NUP62CL: variants seen among roughly 807,000 people sequenced by gnomAD.
The protein encoded by NUP62CL is nucleoporin-62 C-terminal-like protein.
NUP62CL carries 13 observed loss-of-function variants against 15.3 expected under a neutral mutation model. That is an observed-to-expected ratio of 0.85 (90% CI 0.55 to 1.35). NUP62CL has a LOEUF of 1.35. NUP62CL is among the 40% of genes most tolerant of loss of function. The pLI is 0.00. For missense variants in NUP62CL, 123 were observed against 130.6 expected (o/e 0.94, Z 0.28); for synonymous variants, 54 against 49.2 (o/e 1.10, Z -0.41).
chrX:107,132,436 T>C (rs1925539953), intron 8 of NUP62CL, among the ~76,000 whole-genome samples: 1 of 112,171 alleles, frequency 8.9e-6, no homozygotes, highest in South Asian at 3.7e-4. Flanking sequence ...ACCAGAATCA[T>C]TTGGGACCAG....
At chrX:107,187,390 CTTTT>C (rs1291781352) in intron 2 of NUP62CL, among the ~76,000 whole-genome samples, 1 of 111,729 alleles carries the variant, frequency 9.0e-6, no homozygotes, top group Non-Finnish European at 1.9e-5. Context: ...ACAGCTAATT[CTTTT>C]ATTTATTTAT....
chrX:107,166,138 A>G (rs934108381), intron 4 of NUP62CL, among the ~76,000 whole-genome samples: 7 of 111,968 alleles, frequency 6.3e-5, no homozygotes, highest in Non-Finnish European at 1.3e-4. Context: ...ACAGTTAAAG[A>G]ATATACTTAT....
intron 8 of NUP62CL, among the ~76,000 whole-genome samples, chrX:107,129,853 T>A (rs1422557776): frequency 1.8e-5 from 2 of 112,024 alleles, no homozygotes; most frequent in Non-Finnish European, 3.8e-5. Flanking sequence ...TAAAAAATCA[T>A]TAATATCCTC....
chrX:107,187,116 T>C (rs1433038760), intron 2 of NUP62CL, among the ~76,000 whole-genome samples: 2 of 111,053 alleles, frequency 1.8e-5, no homozygotes, highest in African/African-American at 6.6e-5. Context: ...AGAGAGGAAG[T>C]CTCAAGAGAA....
intron 2 of NUP62CL, among the ~76,000 whole-genome samples, chrX:107,191,178 T>C (rs982869592): frequency 2.0e-5 from 2 of 99,401 alleles, no homozygotes; most frequent in Non-Finnish European, 4.0e-5. Context: ...AAAAGGCAAC[T>C]AGATAACATG....
At chrX:107,181,173 C>T (rs187149713) in intron 2 of NUP62CL, among the ~76,000 whole-genome samples, 1 of 109,975 alleles carries the variant, frequency 9.1e-6, no homozygotes, top group African/African-American at 3.3e-5. Flanking sequence ...ACCTCGCCCT[C>T]CCAAAGTGCT....
At chrX:107,141,686 T>C (rs1414113788) in intron 8 of NUP62CL, among the ~76,000 whole-genome samples, 3 of 111,979 alleles carry the variant, frequency 2.7e-5, no homozygotes, top group Non-Finnish European at 3.8e-5. Flanking sequence ...GGCACCTTAA[T>C]TGGAATTCAA....
At chrX:107,147,657 A>C (rs1925910633) in intron 8 of NUP62CL, 86 bp downstream of exon 8, 1 of 571,305 alleles carries the variant, frequency 1.8e-6, no homozygotes, top group African/African-American at 2.2e-5. Context: ...CTTTTATATG[A>C]GTTTGGTCAT....
At chrX:107,132,110 C>T in intron 8 of NUP62CL, 13 of 1,177,803 alleles carry the variant, frequency 1.1e-5, no homozygotes, top group Non-Finnish European at 1.5e-5. Flanking sequence ...CCAGATAAAT[C>T]TTTGGAATTG....
intron 2 of NUP62CL, 126 bp from the exon 3 acceptor site, chrX:107,175,319 G>A (rs1338057425): frequency 4.7e-6 from 2 of 426,170 alleles, no homozygotes; most frequent in Non-Finnish European, 8.2e-6. Flanking sequence ...CAGGTATCCT[G>A]AAACCTAATC....
chrX:107,169,547 G>T (rs1326553549), intron 3 of NUP62CL, among the ~76,000 whole-genome samples: 1 of 111,846 alleles, frequency 8.9e-6, no homozygotes, highest in African/African-American at 3.3e-5. Context: ...GGTAAAATGT[G>T]CACCACAGAG....
chrX:107,130,233 A>G (rs1039599616), intron 8 of NUP62CL, among the ~76,000 whole-genome samples: 1 of 111,820 alleles, frequency 8.9e-6, no homozygotes, highest in Non-Finnish European at 1.9e-5. Context: ...GCATCATCTG[A>G]TATTTCAGTA....
chrX:107,196,681 C>A (rs1180170743), intron 1 of NUP62CL, among the ~76,000 whole-genome samples: 7 of 111,640 alleles, frequency 6.3e-5, no homozygotes, highest in African/African-American at 2.0e-4. Flanking sequence ...AACTCCTGAC[C>A]TCAGGTGATC....
chrX:107,204,717 A>ATTATTTATTTAAATAAATTTTAAATAAT (rs1927575218), intron 1 of NUP62CL, among the ~76,000 whole-genome samples: 1 of 88,082 alleles, frequency 1.1e-5, no homozygotes, highest in Non-Finnish European at 2.0e-5. Context: ...TTTTAAATAA[A>ATTATTTATTTAAATAAATTTTAAATAAT]TTATTTATTT....
intron 2 of NUP62CL, among the ~76,000 whole-genome samples, chrX:107,176,929 T>C (rs1051270397): frequency 1.8e-5 from 2 of 111,402 alleles, no homozygotes; most frequent in East Asian, 2.8e-4. Context: ...ATGTCTGCTC[T>C]AGCCACTTCG....
intron 3 of NUP62CL, among the ~76,000 whole-genome samples, chrX:107,170,066 C>T (rs1453707374): frequency 1.9e-5 from 2 of 107,907 alleles, no homozygotes; most frequent in Non-Finnish European, 3.8e-5. Flanking sequence ...AAAAATCAGC[C>T]AGATGTGGTG....
At chrX:107,138,431 ATCTAGAACACATGAAGAT>A (rs1925692309) in intron 8 of NUP62CL, among the ~76,000 whole-genome samples, 1 of 112,188 alleles carries the variant, frequency 8.9e-6, no homozygotes, top group Non-Finnish European at 1.9e-5. Context: ...AAAGACTTGC[ATCTAGAACACATGAAGAT>A]TCTCAAAACA....
Position 107,160,718 on chromosome X carries a change from T to C in NUP62CL, c.195-6472A>G, listed in dbSNP as rs1926342538. 1.1e-4 allele frequency among the ~76,000 whole-genome samples: 12 copies of C among 110,691 alleles called. No individual in the cohort carries two copies. The South Asian group carries it at 4.7e-3, about 43-fold the overall frequency. On this transcript the variant is annotated intron_variant, in intron 4 of 8. Coordinates refer to ENST00000372466, the MANE Select transcript of NUP62CL (RefSeq NM_017681.3). ...GGCATTACCATTCAGGACATAGGCG[T>C]GGGCAAGGACTTCATGTCCAAAACA...
intron 4 of NUP62CL, among the ~76,000 whole-genome samples, chrX:107,156,503 C>T (rs1926197205): frequency 1.9e-5 from 2 of 105,393 alleles, no homozygotes; most frequent in African/African-American, 3.5e-5. Flanking sequence ...CTGGGAGGCA[C>T]CCCCCAGCAG....
Sources: allele counts gnomAD v4.1 joint callset (sites outside exome capture counted in the v4.1 genomes callset), GRCh38; gene constraint gnomAD v4.1.1; transcripts MANE v1.5; gene names NCBI Gene and HGNC (gene_info 2026-07-23, HGNC 2026-07-21).